The following CHST8 variants were observed in gnomAD, a reference collection of about 807,000 sequenced individuals.
CHST8 encodes carbohydrate sulfotransferase 8.
CHST8 carries 10 observed loss-of-function variants against 15.0 expected under a neutral mutation model. The observed-to-expected ratio is 0.67, with a 90% confidence interval of 0.41 to 1.13. The LOEUF (loss-of-function observed/expected upper bound fraction) is 1.13, where lower values mean the gene tolerates loss of function less well. CHST8 is among the 50% of genes most tolerant of loss of function. The pLI is 0.00. For synonymous variants in CHST8, 259 were observed against 256.6 expected (o/e 1.01, Z -0.09); for missense variants, 634 against 608.2 (o/e 1.04, Z -0.45).
intron 1 of CHST8, among the ~76,000 whole-genome samples, chr19:33,657,289 GATGGA>G (rs1972522966): frequency 1.4e-5 from 2 of 139,242 alleles, no homozygotes; most frequent in Non-Finnish European, 3.1e-5. Context: ...TTTTTTTTGA[GATGGA>G]CTCTTGCTCT....
chr19:33,750,394 C>A (rs1451812476), intron 3 of CHST8, among the ~76,000 whole-genome samples: 3 of 152,206 alleles, frequency 2.0e-5, no homozygotes, highest in African/African-American at 7.2e-5. Context: ...GGGCTACCCC[C>A]AGGACCCCAG....
rs1240499950 is a variant in CHST8, at chr19:33,715,630, TCAG to T, written c.130+26243_130+26245del. On this transcript the variant is annotated intron_variant, in intron 3 of 4. Transcript: ENST00000650847. ...AGAACCCCTGGAGGTGTGCAGATCT[TCAG>T]CAGGCAGATGACTCAGAGCTCAGGC... Among the ~76,000 whole-genome samples the T allele has an allele frequency of 3.9e-5, 6 of 152,232 alleles. No homozygotes were observed. The South Asian group carries it at 1.0e-3, about 26-fold the overall frequency.
intron 3 of CHST8, among the ~76,000 whole-genome samples, chr19:33,705,706 C>T (rs1973433389): frequency 6.6e-6 from 1 of 152,196 alleles, no homozygotes; most frequent in East Asian, 1.9e-4. Context: ...ACCCTGGCTC[C>T]CTTTCTGCCC....
At chr19:33,636,859 C>T (rs1454578411) in intron 1 of CHST8, among the ~76,000 whole-genome samples, 4 of 152,196 alleles carry the variant, frequency 2.6e-5, no homozygotes, top group African/African-American at 9.7e-5. Flanking sequence ...CGAGATCGCG[C>T]CATTGCACTC....
At chr19:33,702,453 G>A (rs930021222) in intron 3 of CHST8, among the ~76,000 whole-genome samples, 1 of 152,216 alleles carries the variant, frequency 6.6e-6, no homozygotes, top group African/African-American at 2.4e-5. Flanking sequence ...AGCAGATTGT[G>A]GCAACTGTCA....
At chr19:33,764,591 C>T (rs1166760014) in intron 3 of CHST8, among the ~76,000 whole-genome samples, 1 of 152,210 alleles carries the variant, frequency 6.6e-6, no homozygotes, top group Non-Finnish European at 1.5e-5. Context: ...CCGCCCCACC[C>T]TCAAAAAATG....
chr19:33,656,181 A>T, intron 1 of CHST8, among the ~76,000 whole-genome samples: 1 of 152,202 alleles, frequency 6.6e-6, no homozygotes, highest in Non-Finnish European at 1.5e-5. Context: ...TTTTGTTATT[A>T]ATTTCTAGTT....
chr19:33,757,510 GAAAGAAAGAAAGAGAAAGAA>G (rs1974607093), intron 3 of CHST8, among the ~76,000 whole-genome samples: 3 of 48,984 alleles, frequency 6.1e-5, no homozygotes, highest in Admixed American at 2.2e-4. Context: ...AAGAAAGAAA[GAAAGAAAGAAAGAGAAAGAA>G]AGAAAGAAAG....
At chr19:33,762,493 C>G (rs1391417156) in intron 3 of CHST8, among the ~76,000 whole-genome samples, 1 of 152,238 alleles carries the variant, frequency 6.6e-6, no homozygotes, top group East Asian at 1.9e-4. Flanking sequence ...AATCACTAAA[C>G]GAAACAAGTG....
chr19:33,645,777 T>C (rs1350185871), intron 1 of CHST8, among the ~76,000 whole-genome samples: 1 of 152,200 alleles, frequency 6.6e-6, no homozygotes, highest in African/African-American at 2.4e-5. Flanking sequence ...TTCTTCTTAT[T>C]GGCTGCCCAG....
intron 3 of CHST8, among the ~76,000 whole-genome samples, chr19:33,765,331 A>G (rs1599639823): frequency 6.6e-6 from 1 of 151,934 alleles, no homozygotes. Flanking sequence ...TGGCACCTTC[A>G]TTTCAGACAT....
chr19:33,627,099 G>GC (rs1555709072), intron 1 of CHST8, among the ~76,000 whole-genome samples: 1 of 63,890 alleles, frequency 1.6e-5, no homozygotes, highest in Non-Finnish European at 3.7e-5. Context: ...CTCTTTTTTT[G>GC]GGGGGGGGGC....
intron 2 of CHST8, among the ~76,000 whole-genome samples, chr19:33,685,868 C>T (rs925738967): frequency 1.4e-4 from 21 of 152,166 alleles, no homozygotes; most frequent in African/African-American, 4.8e-4. Flanking sequence ...CTGGAATGCC[C>T]GGGGATCTGT....
chr19:33,622,448 G>T (rs1971996960), intron 1 of CHST8, among the ~76,000 whole-genome samples, 152 bp downstream of exon 1: 2 of 152,194 alleles, frequency 1.3e-5, no homozygotes, highest in Non-Finnish European at 2.9e-5. Flanking sequence ...AGCTGCGGGC[G>T]GAGGTGGGCG....
At chr19:33,719,535 A>G (rs1264308386) in intron 3 of CHST8, among the ~76,000 whole-genome samples, 3 of 151,994 alleles carry the variant, frequency 2.0e-5, no homozygotes, top group African/African-American at 7.3e-5. Context: ...GAGAGTGGCA[A>G]CCATCCCTGG....
intron 2 of CHST8, among the ~76,000 whole-genome samples, chr19:33,682,135 C>T (rs1248831724): frequency 2.0e-5 from 3 of 148,430 alleles, no homozygotes; most frequent in South Asian, 2.2e-4. Flanking sequence ...GGATTATAGG[C>T]GTGAGCCACC....
chr19:33,637,876 A>AG (rs1491416981), intron 1 of CHST8, among the ~76,000 whole-genome samples: 8 of 149,344 alleles, frequency 5.4e-5, no homozygotes, highest in African/African-American at 2.0e-4. Flanking sequence ...AAAAAAAAAA[A>AG]GAAAGGTCCC....
intron 3 of CHST8, among the ~76,000 whole-genome samples, chr19:33,767,658 G>A (rs553334420): frequency 2.6e-4 from 39 of 152,314 alleles, no homozygotes; most frequent in African/African-American, 9.4e-4. Context: ...ATTTCTTACT[G>A]TGCGGGGGGA....
At position 33,695,801 on chromosome 19, in the gene CHST8, T is replaced by TTTTCTTTCTTTCTTTCTTTC. The variant is rs748705602; in HGVS notation, c.130+6414_130+6433dup. Among the ~76,000 whole-genome samples the TTTTCTTTCTTTCTTTCTTTC allele has an allele frequency of 2.0e-3, 255 of 130,342 alleles. 3 individuals are homozygous for TTTTCTTTCTTTCTTTCTTTC. Among genetic ancestry groups the TTTTCTTTCTTTCTTTCTTTC allele is most frequent in the East Asian group, 7.2e-3 (31 of 4,314 alleles). 85.5% of individuals were successfully genotyped at this position (130,342 alleles called of 152,430 possible). On this transcript the variant is annotated intron_variant, in intron 3 of 4. Coordinates refer to ENST00000650847, the MANE Select transcript of CHST8 (RefSeq NM_001127895.2). Reference sequence around the variant, plus strand: ...ATGGTGTATATATACCACATTTTCTTTTTCTTTCTTTCTTTCTTTCTTTTT... The same window carrying TTTTCTTTCTTTCTTTCTTTC: ...ATGGTGTATATATACCACATTTTCTTTTTCTTTCTTTCTTTCTTTCTTTCTTTCTTTCTTTCTTTCTTTTT...
Sources: gnomAD v4.1 joint callset for allele counts (sites outside exome capture counted in the v4.1 genomes callset) on GRCh38, gnomAD v4.1.1 for gene constraint, MANE v1.5 for transcripts, NCBI Gene and HGNC (gene_info 2026-07-23, HGNC 2026-07-21) for gene names.